The following GALNTL6 variants were observed in gnomAD, a reference collection of about 807,000 sequenced individuals.
GALNTL6 encodes polypeptide N-acetylgalactosaminyltransferase like 6.
Under a neutral mutation model 73.7 loss-of-function variants are expected in GALNTL6, and 46 were observed. The ratio of observed to expected loss-of-function variants is 0.62; its 90% CI spans 0.49 to 0.80. The LOEUF (loss-of-function observed/expected upper bound fraction) is 0.80. Among genes scored for constraint, GALNTL6 ranks in the 30% least tolerant of loss-of-function variants. The probability of loss-of-function intolerance (pLI) is 0.00; values close to 1 mark genes in which losing one functional copy is unlikely to be tolerated. For missense variants in GALNTL6, 604 were observed against 755.0 expected (o/e 0.80, Z 2.34); for synonymous variants, 259 against 263.7 (o/e 0.98, Z 0.17).
intron 5 of GALNTL6, among the ~76,000 whole-genome samples, chr4:172,366,351 G>GT (rs1742557804): frequency 6.6e-6 from 1 of 152,058 alleles, no homozygotes; most frequent in Non-Finnish European, 1.5e-5. Context: ...CTATCTCAAT[G>GT]TATGTTTAGG....
intron 2 of GALNTL6, among the ~76,000 whole-genome samples, chr4:172,208,527 G>T (rs1346352766): frequency 6.6e-6 from 1 of 152,048 alleles, no homozygotes; most frequent in East Asian, 1.9e-4. Context: ...GTATGATTTG[G>T]TATTTTTCTA....
At chr4:172,173,741 A>C (rs1245083715) in intron 2 of GALNTL6, among the ~76,000 whole-genome samples, 2 of 152,212 alleles carry the variant, frequency 1.3e-5, no homozygotes, top group Non-Finnish European at 2.9e-5. Context: ...TAAATATTAG[A>C]ATTTAGCCAT....
intron 10 of GALNTL6, among the ~76,000 whole-genome samples, chr4:173,007,953 G>T (rs2126490032): frequency 6.6e-6 from 1 of 152,234 alleles, no homozygotes; most frequent in East Asian, 1.9e-4. Flanking sequence ...TAATTGTAAA[G>T]AATTATCCTT....
At chr4:172,013,908 T>C (rs1403832976) in intron 2 of GALNTL6, among the ~76,000 whole-genome samples, 1 of 140,910 alleles carries the variant, frequency 7.1e-6, no homozygotes, top group East Asian at 2.4e-4. Context: ...CCTTCTACTC[T>C]ATACCTCCAT....
At chr4:172,946,876 AG>A (rs1749189276) in intron 9 of GALNTL6, among the ~76,000 whole-genome samples, 2 of 152,196 alleles carry the variant, frequency 1.3e-5, no homozygotes, top group Admixed American at 1.3e-4. Flanking sequence ...GTTATGGAAA[AG>A]CAGCCAACAT....
In GALNTL6 at chr4:172,765,384, A is replaced by G. The variant is rs529634763; in HGVS notation, c.554-43977A>G. On this transcript the variant is annotated intron_variant, in intron 5 of 12. Coordinates refer to ENST00000506823, the MANE Select transcript of GALNTL6 (RefSeq NM_001034845.3). ...TTTGGCATTTTAGAGGAAAATTACT[A>G]TATGAATCCCAAACACCCTATAATC... Among the ~76,000 whole-genome samples the G allele has an allele frequency of 1.6e-4, 25 of 152,306 alleles. No individual in the cohort carries two copies. The South Asian group carries it at 4.8e-3, about 29-fold the overall frequency.
intron 3 of GALNTL6, among the ~76,000 whole-genome samples, chr4:172,276,697 C>T (rs1738843840): frequency 6.6e-6 from 1 of 151,756 alleles, no homozygotes; most frequent in Non-Finnish European, 1.5e-5. Context: ...TTTGTATTTG[C>T]CTGTGTTACA....
chr4:172,934,891 A>C (rs762642518), intron 9 of GALNTL6, among the ~76,000 whole-genome samples: 1 of 152,196 alleles, frequency 6.6e-6, no homozygotes, highest in Non-Finnish European at 1.5e-5. Context: ...CTTCATTCCA[A>C]CAGGTTTTTA....
intron 3 of GALNTL6, among the ~76,000 whole-genome samples, chr4:172,296,797 A>G (rs1158379941): frequency 1.3e-5 from 2 of 152,146 alleles, no homozygotes; most frequent in Non-Finnish European, 2.9e-5. Context: ...AGTCTTTGCT[A>G]TTGTGAATAG....
chr4:171,925,723 A>T (rs571024123), intron 2 of GALNTL6, among the ~76,000 whole-genome samples: 30 of 152,316 alleles, frequency 2.0e-4, no homozygotes, highest in African/African-American at 6.7e-4. Flanking sequence ...AACACAGAAG[A>T]CATCTATTTA....
intron 5 of GALNTL6, among the ~76,000 whole-genome samples, chr4:172,355,310 T>TA (rs1184009165): frequency 3.3e-5 from 5 of 152,156 alleles, no homozygotes; most frequent in Non-Finnish European, 5.9e-5. Context: ...TTTATGTAGC[T>TA]AGCTTTAACA....
intron 5 of GALNTL6, among the ~76,000 whole-genome samples, chr4:172,392,336 T>G (rs963873867): frequency 4.6e-5 from 7 of 152,174 alleles, no homozygotes; most frequent in Non-Finnish European, 7.3e-5. Context: ...TACCAGAATT[T>G]TTAGAAACAT....
chr4:172,200,145 A>T (rs542597113), intron 2 of GALNTL6, among the ~76,000 whole-genome samples: 1 of 152,272 alleles, frequency 6.6e-6, no homozygotes, highest in African/African-American at 2.4e-5. Flanking sequence ...TGTCAGTTCA[A>T]TGTATTCTAG....
intron 5 of GALNTL6, among the ~76,000 whole-genome samples, chr4:172,607,381 G>A (rs1738345158): frequency 6.6e-6 from 1 of 152,018 alleles, no homozygotes; most frequent in Admixed American, 6.6e-5. Context: ...ACATATAAGT[G>A]AAAACATACG....
At chr4:172,444,352 C>T (rs569648913) in intron 5 of GALNTL6, among the ~76,000 whole-genome samples, 176 of 152,254 alleles carry the variant, frequency 1.2e-3, no homozygotes, top group African/African-American at 4.1e-3. Flanking sequence ...TGTGCTACTT[C>T]GTGATTCCCT....
At chr4:172,515,369 C>A (rs1427022611) in intron 5 of GALNTL6, among the ~76,000 whole-genome samples, 1 of 152,234 alleles carries the variant, frequency 6.6e-6, no homozygotes, top group Non-Finnish European at 1.5e-5. Context: ...GACCCACCAG[C>A]CCACTGAGCA....
intron 5 of GALNTL6, among the ~76,000 whole-genome samples, chr4:172,410,274 T>C (rs1448028785): frequency 6.6e-6 from 1 of 152,038 alleles, no homozygotes; most frequent in Non-Finnish European, 1.5e-5. Context: ...AAATTTACCA[T>C]CTTAACCATA....
chr4:172,896,467 G>A (rs192591715), intron 8 of GALNTL6, among the ~76,000 whole-genome samples: 13 of 152,306 alleles, frequency 8.5e-5, no homozygotes, highest in East Asian at 5.8e-4. Context: ...TGGAAACTCC[G>A]TACAGGGCTG....
At chr4:172,431,733 T>G (rs1731458774) in intron 5 of GALNTL6, among the ~76,000 whole-genome samples, 1 of 152,144 alleles carries the variant, frequency 6.6e-6, no homozygotes, top group Non-Finnish European at 1.5e-5. Context: ...CATATGCTCA[T>G]AAATAACTGA....
Sources: gnomAD v4.1 joint callset for allele counts (sites outside exome capture counted in the v4.1 genomes callset) on GRCh38, gnomAD v4.1.1 for gene constraint, MANE v1.5 for transcripts, NCBI Gene and HGNC (gene_info 2026-07-23, HGNC 2026-07-21) for gene names.